CATSPERE: variants seen among roughly 807,000 people sequenced by gnomAD.
The protein encoded by CATSPERE is cation channel sperm-associated auxiliary subunit epsilon.
Under a neutral mutation model 114.1 loss-of-function variants are expected in CATSPERE, and 93 were observed. The ratio of observed to expected loss-of-function variants is 0.81; its 90% confidence interval spans 0.69 to 0.97. CATSPERE has a LOEUF of 0.97. CATSPERE is among the 50% of genes least tolerant of loss of function. The pLI is 0.00. For missense variants in CATSPERE, 1,058 were observed against 1,131.6 expected, an observed-to-expected ratio of 0.93 and a Z score of 0.93; for synonymous variants, 341 against 384.1, an observed-to-expected ratio of 0.89 and a Z score of 1.31.
upstream of CATSPERE, among the ~76,000 whole-genome samples, chr1:244,456,942 G>A (rs757336275): frequency 6.6e-6 from 1 of 152,070 alleles, no homozygotes; most frequent in Non-Finnish European, 1.5e-5. Flanking sequence ...GGTGTTTTTT[G>A]GTAAAAGATT....
chr1:244,552,914 CTCTTTGCCCAGTTGTTTTA>C (rs1242011584), intron 9 of CATSPERE, 100 bp downstream of exon 9: 2 of 592,282 alleles, frequency 3.4e-6, no homozygotes, highest in Non-Finnish European at 2.3e-6. Context: ...TACTATGCAG[CTCTTTGCCCAGTTGTTTTA>C]TCTAAGGCTG....
chr1:244,567,110 A>G (rs1456865660), intron 10 of CATSPERE, among the ~76,000 whole-genome samples: 1 of 152,186 alleles, frequency 6.6e-6, no homozygotes, highest in Admixed American at 6.5e-5. Flanking sequence ...TATGAAGCTT[A>G]GTTTGGCTGA....
chr1:244,484,566 T>C (rs563341735), intron 5 of CATSPERE, among the ~76,000 whole-genome samples: 12 of 152,316 alleles, frequency 7.9e-5, no homozygotes, highest in Middle Eastern at 6.8e-3. Flanking sequence ...TAATTGGTGT[T>C]GCAAACTTTA....
At chr1:244,625,428 A>ATTTTTTTTTTTTTTTTTTTT (rs1234328450) in intron 20 of CATSPERE, among the ~76,000 whole-genome samples, 2 of 3,746 alleles carry the variant, frequency 5.3e-4, no homozygotes, top group Non-Finnish European at 1.4e-3. Context: ...ATATATATAT[A>ATTTTTTTTTTTTTTTTTTTT]TATATTTTTT....
chr1:244,582,959 ATATATATATATATATAT>A (rs1284899025), intron 12 of CATSPERE, among the ~76,000 whole-genome samples: 32 of 2,494 alleles, frequency 0.013, no homozygotes, highest in African/African-American at 0.023. Flanking sequence ...ATATATATAT[ATATATATATATATATAT>A]AAATCAGTGA....
intron 13 of CATSPERE, among the ~76,000 whole-genome samples, chr1:244,585,825 G>A (rs575938772): frequency 6.6e-6 from 1 of 152,358 alleles, no homozygotes; most frequent in South Asian, 2.1e-4. Context: ...CAACAAGGCT[G>A]CATCTCACTT....
intron 20 of CATSPERE, among the ~76,000 whole-genome samples, chr1:244,618,084 A>G (rs1361951567): frequency 1.3e-5 from 2 of 152,236 alleles, no homozygotes; most frequent in Non-Finnish European, 2.9e-5. Flanking sequence ...TGCATTATTG[A>G]CAGGCACAAT....
upstream of CATSPERE, chr1:244,451,652 T>C: frequency 6.2e-7 from 1 of 1,610,590 alleles, no homozygotes; most frequent in Non-Finnish European, 8.5e-7. This position sits in a 1 kb window ranked among gnomAD's most constrained non-coding sequence, Gnocchi z 6.6. Flanking sequence ...CGGCACACGA[T>C]GTCGGCGTCC....
intron 6 of CATSPERE, among the ~76,000 whole-genome samples, chr1:244,498,015 T>G (rs1382713957): frequency 6.6e-6 from 1 of 152,088 alleles, no homozygotes; most frequent in Non-Finnish European, 1.5e-5. Flanking sequence ...ACCCCATGAC[T>G]CAACAATTAC....
intron 2 of CATSPERE, among the ~76,000 whole-genome samples, chr1:244,468,688 G>A (rs1232586195): frequency 6.6e-6 from 1 of 152,148 alleles, no homozygotes; most frequent in Non-Finnish European, 1.5e-5. Flanking sequence ...GGAGGCCAAG[G>A]CAGGTGGATC....
intron 8 of CATSPERE, among the ~76,000 whole-genome samples, chr1:244,529,319 C>T (rs1259169463): frequency 6.6e-6 from 1 of 152,140 alleles, no homozygotes; most frequent in Non-Finnish European, 1.5e-5. Flanking sequence ...TCCCTTTCTC[C>T]AGCATTTGTT....
chr1:244,528,610 A>C (rs1679054576), intron 8 of CATSPERE, among the ~76,000 whole-genome samples: 2 of 152,146 alleles, frequency 1.3e-5, no homozygotes. Flanking sequence ...TGGGGTATCC[A>C]TCACCTTAAG....
At chr1:244,634,926 C>G (rs1674429143) in intron 20 of CATSPERE, among the ~76,000 whole-genome samples, 1 of 152,172 alleles carries the variant, frequency 6.6e-6, no homozygotes, top group African/African-American at 2.4e-5. Context: ...CTCACTGCAA[C>G]CTCCGCCTCC....
rs570552166 is a variant in CATSPERE at position 244,575,721 on chromosome 1, G to A, written c.1950+2949G>A. ...GGTCTTTCCCTTGCCTCTGCCAGCC[G>A]CCTACGCTGCTGTTCTCCCCTCTCC... On this transcript the variant is annotated intron_variant, in intron 11 of 21. Transcript: ENST00000366534. This position sits in a 1 kb window ranked among gnomAD's most constrained non-coding sequence, Gnocchi z 4.5. Among the ~76,000 whole-genome samples the A allele has an allele frequency of 1.6e-4, 25 of 151,732 alleles. No individual in the cohort carries two copies. The highest frequency in any genetic ancestry group is 1.0e-3 in the Admixed American group (16 of 15,244).
intron 19 of CATSPERE, among the ~76,000 whole-genome samples, chr1:244,616,844 C>T (rs1671458475): frequency 6.6e-6 from 1 of 152,210 alleles, no homozygotes; most frequent in African/African-American, 2.4e-5. Context: ...AATTGCCTTA[C>T]AAGGCTTCCT....
intron 1 of CATSPERE, among the ~76,000 whole-genome samples, chr1:244,456,027 G>C (rs573428299): frequency 6.6e-6 from 1 of 152,038 alleles, no homozygotes; most frequent in East Asian, 1.9e-4. Context: ...TTGGCTCTTC[G>C]CACACTTGGA....
At position 244,583,558 on chromosome 1, in the gene CATSPERE, G is replaced by A. The variant is rs892290702; in HGVS notation, c.2010-306G>A. Among the ~76,000 whole-genome samples the A allele has an allele frequency of 1.5e-4, 23 of 152,174 alleles. 1 individual carries two copies. Among genetic ancestry groups the A allele is most frequent in the Admixed American group, 1.4e-3 (21 of 15,272 alleles). On this transcript the variant is annotated intron_variant, in intron 12 of 21. Transcript: ENST00000366534. ...GAGCCCCATTGCCCAGGGACTGTGTGAATGAAATAGGGTGGTTGAAATGCT... is the reference window on the plus strand; with the variant it reads ...GAGCCCCATTGCCCAGGGACTGTGTAAATGAAATAGGGTGGTTGAAATGCT...
intron 20 of CATSPERE, among the ~76,000 whole-genome samples, chr1:244,618,633 T>C (rs929613670): frequency 3.9e-5 from 6 of 151,912 alleles, no homozygotes; most frequent in African/African-American, 1.2e-4. Flanking sequence ...CAAAATTAGC[T>C]GGGTGTGGTG....
intron 10 of CATSPERE, among the ~76,000 whole-genome samples, chr1:244,563,094 A>G (rs534294271): frequency 4.4e-4 from 67 of 152,152 alleles, no homozygotes; most frequent in Non-Finnish European, 2.8e-4. Flanking sequence ...ATAGTATTCC[A>G]TGGTGTATAT....
Sources: gnomAD v4.1 joint callset for allele counts (sites outside exome capture counted in the v4.1 genomes callset) on GRCh38, gnomAD v4.1.1 for gene constraint, Gnocchi (gnomAD v3.1) non-coding constraint, MANE v1.5 for transcripts, NCBI Gene and HGNC (gene_info 2026-07-23, HGNC 2026-07-21) for gene names.